The following WWOX variants were observed in gnomAD, a reference collection of about 807,000 sequenced individuals.
WWOX encodes WW domain-containing oxidoreductase.
Under a neutral mutation model 46.2 loss-of-function variants are expected in WWOX, and 69 were observed. The observed-to-expected ratio is 1.49, with a 90% CI of 1.23 to 1.82. The LOEUF (loss-of-function observed/expected upper bound fraction) is 1.82. Among genes scored for constraint, WWOX ranks in the 40% most tolerant of loss-of-function variants. The pLI is 0.00. For synonymous variants in WWOX, 359 were observed against 202.6 expected, an observed-to-expected ratio of 1.77 and a Z score of -6.56; for missense variants, 919 against 542.6, an observed-to-expected ratio of 1.69 and a Z score of -6.89.
At chr16:78,414,580 AC>A (rs2082756760) in intron 6 of WWOX, among the ~76,000 whole-genome samples, 1 of 152,144 alleles carries the variant, frequency 6.6e-6, no homozygotes. Context: ...AAACAAACAA[AC>A]AAAAAGCAAA....
At chr16:79,104,265 A>G (rs2049263645) in intron 8 of WWOX, among the ~76,000 whole-genome samples, 1 of 152,316 alleles carries the variant, frequency 6.6e-6, no homozygotes, top group South Asian at 2.1e-4. Context: ...TTGGTCTGTA[A>G]GGACATTAAT....
intron 5 of WWOX, among the ~76,000 whole-genome samples, chr16:78,368,356 A>G (rs981163827): frequency 3.3e-5 from 5 of 152,236 alleles, no homozygotes; most frequent in Non-Finnish European, 7.3e-5. Flanking sequence ...ATTTCCCCAC[A>G]TGCCCTTCTG....
chr16:79,075,706 C>G (rs917969409), intron 8 of WWOX, among the ~76,000 whole-genome samples: 3 of 152,114 alleles, frequency 2.0e-5, no homozygotes, highest in Non-Finnish European at 2.9e-5. Context: ...GTGTACATCA[C>G]CACACCTGGC....
At chr16:78,617,473 G>T (rs192288358) in intron 8 of WWOX, among the ~76,000 whole-genome samples, 2 of 151,482 alleles carry the variant, frequency 1.3e-5, no homozygotes, top group African/African-American at 2.4e-5. Flanking sequence ...GAAATTGATC[G>T]TTCATTCACA....
chr16:78,736,348 A>G (rs1333833296), intron 8 of WWOX, among the ~76,000 whole-genome samples: 1 of 152,124 alleles, frequency 6.6e-6, no homozygotes, highest in Non-Finnish European at 1.5e-5. Flanking sequence ...GGATGCCAGC[A>G]AAGTGAAATT....
chr16:79,169,565 C>T (rs113313520), intron 8 of WWOX, among the ~76,000 whole-genome samples: 1 of 152,176 alleles, frequency 6.6e-6, no homozygotes, highest in African/African-American at 2.4e-5. Flanking sequence ...CACCCAGAAT[C>T]AAGGATGGGG....
At chr16:78,367,202 A>G (rs896326988) in intron 5 of WWOX, among the ~76,000 whole-genome samples, 5 of 151,978 alleles carry the variant, frequency 3.3e-5, no homozygotes, top group Admixed American at 2.6e-4. Context: ...TTTGGTCTCA[A>G]TCTCCTGACC....
rs71396199 is a variant in WWOX at position 78,578,244 on chromosome 16, A to C, written c.1056+145492A>C. On this transcript the variant is annotated intron_variant, in intron 8 of 8. Coordinates refer to ENST00000566780, the MANE Select transcript of WWOX (RefSeq NM_016373.4). ...TATGTTTATATACAAATATATGTGC[A>C]TACCAAATTTTATATATATATATAT... Among the ~76,000 whole-genome samples the C allele has an allele frequency of 4.2e-4, 46 of 109,232 alleles. 1 individual carries two copies. Among genetic ancestry groups the C allele is most frequent in the Non-Finnish European group, 7.1e-4 (39 of 54,708 alleles). 71.7% of individuals were successfully genotyped at this position (109,232 alleles called of 152,430 possible).
chr16:78,529,036 C>G (rs955558002), intron 8 of WWOX, among the ~76,000 whole-genome samples: 1 of 151,188 alleles, frequency 6.6e-6, no homozygotes, highest in African/African-American at 2.4e-5. Context: ...TTACTATAGC[C>G]TTGACCTCTC....
At chr16:78,698,109 C>G (rs183773298) in intron 8 of WWOX, among the ~76,000 whole-genome samples, 1 of 152,310 alleles carries the variant, frequency 6.6e-6, no homozygotes, top group East Asian at 1.9e-4. Context: ...ATTTTCAACT[C>G]TCTCATTGGC....
intron 8 of WWOX, among the ~76,000 whole-genome samples, chr16:78,480,290 C>G (rs2738685): frequency 0.29 from 43,619 of 152,136 alleles, 8,195 homozygotes; most frequent in African/African-American, 0.54. Flanking sequence ...CTTTTGGATA[C>G]ATCTGCTTTA....
intron 8 of WWOX, among the ~76,000 whole-genome samples, chr16:79,063,549 C>G (rs943470283): frequency 2.0e-5 from 3 of 152,214 alleles, no homozygotes; most frequent in South Asian, 2.1e-4. Flanking sequence ...TCAGGGATAT[C>G]TGGAAAACCA....
rs1204332501 is a variant in WWOX, at chr16:79,159,973, G to A, written c.1057-51635G>A. On this transcript the variant is annotated intron_variant, in intron 8 of 8. Transcript: ENST00000566780. Reference sequence around the variant, plus strand: ...GAAAGCACCGGGATTCATACCTAGGGGGCTTTGGGATTTGGGGCTGACTTT... The same window carrying A: ...GAAAGCACCGGGATTCATACCTAGGAGGCTTTGGGATTTGGGGCTGACTTT... Among the ~76,000 whole-genome samples the A allele has an allele frequency of 2.1e-5, 3 of 145,170 alleles. No homozygotes were observed. In the East Asian group the frequency reaches 5.8e-4, roughly 28 times the overall value.
chr16:78,704,047 C>G (rs998989042), intron 8 of WWOX, among the ~76,000 whole-genome samples: 1 of 152,080 alleles, frequency 6.6e-6, no homozygotes, highest in Non-Finnish European at 1.5e-5. Context: ...TCCAAGTGAA[C>G]TTGATTCTTA....
intron 8 of WWOX, among the ~76,000 whole-genome samples, chr16:78,907,351 C>T (rs1006560627): frequency 6.6e-6 from 1 of 152,168 alleles, no homozygotes; most frequent in East Asian, 1.9e-4. Context: ...ATGTTATCTG[C>T]AGGAATAATT....
At chr16:78,742,686 T>A (rs2049257614) in intron 8 of WWOX, among the ~76,000 whole-genome samples, 1 of 152,224 alleles carries the variant, frequency 6.6e-6, no homozygotes, top group Non-Finnish European at 1.5e-5. Context: ...GTCAGAGCGT[T>A]CTGCCCTGCG....
chr16:78,433,196 T>G (rs8049906), intron 8 of WWOX, among the ~76,000 whole-genome samples: 35,630 of 151,746 alleles, frequency 0.23, 5,765 homozygotes, highest in African/African-American at 0.45. Context: ...AACTGTATCT[T>G]TTGTTCTAAA....
chr16:78,733,210 A>G lies in WWOX; in HGVS notation c.1056+300458A>G, dbSNP rs189011258. ...TAATACTAAAGTAAATAGAAGAGCAATATCATTTGCCATAAATACAAAGGA... is the reference window on the plus strand; with the variant it reads ...TAATACTAAAGTAAATAGAAGAGCAGTATCATTTGCCATAAATACAAAGGA... On this transcript the variant is annotated intron_variant, in intron 8 of 8. Coordinates refer to ENST00000566780, the MANE Select transcript of WWOX (RefSeq NM_016373.4). Among the ~76,000 whole-genome samples the G allele has an allele frequency of 7.7e-3, 1,170 of 152,346 alleles. 14 individuals are homozygous for G. The highest frequency in any genetic ancestry group is 0.026 in the African/African-American group (1,064 of 41,578).
chr16:78,145,407 A>C (rs994478269), intron 4 of WWOX, among the ~76,000 whole-genome samples: 3 of 152,262 alleles, frequency 2.0e-5, no homozygotes, highest in African/African-American at 7.2e-5. Context: ...GTGTAAGTCC[A>C]AGAGTCCAAA....
Sources: gnomAD v4.1 joint callset for allele counts (sites outside exome capture counted in the v4.1 genomes callset) on GRCh38, gnomAD v4.1.1 for gene constraint, MANE v1.5 for transcripts, NCBI Gene and HGNC (gene_info 2026-07-23, HGNC 2026-07-21) for gene names.